Variants in ASH1L observed in about 807,000 individuals in gnomAD.
ASH1L encodes the protein histone-lysine N-methyltransferase ASH1L.
In ASH1L, 23 loss-of-function variants were observed where a neutral mutation model predicts 269.0. That is an observed-to-expected ratio of 0.09 (90% CI 0.06 to 0.12). The LOEUF (loss-of-function observed/expected upper bound fraction) is 0.12, where lower values mean the gene tolerates loss of function less well. Among genes scored for constraint, ASH1L ranks in the 10% least tolerant of loss-of-function variants. The probability of loss-of-function intolerance (pLI) is 1.00; values close to 1 mark genes in which losing one functional copy is unlikely to be tolerated. For synonymous variants in ASH1L, 1,187 were observed against 1,253.5 expected, an observed-to-expected ratio of 0.95 and a Z score of 1.12; for missense variants, 2,912 against 3,567.8, an observed-to-expected ratio of 0.82 and a Z score of 4.68.
At chr1:155,466,425 C>T (rs1217138386) in intron 3 of ASH1L, among the ~76,000 whole-genome samples, 1 of 152,100 alleles carries the variant, frequency 6.6e-6, no homozygotes, top group East Asian at 1.9e-4. Context: ...TTTCATAATG[C>T]CCAAATGACA....
chr1:155,348,859 T>C (rs975263080), intron 19 of ASH1L, among the ~76,000 whole-genome samples: 3 of 146,690 alleles, frequency 2.0e-5, no homozygotes, highest in African/African-American at 7.6e-5. Flanking sequence ...CCAGCCTGGG[T>C]GACAGAGCAA....
chr1:155,528,687 CATTGATTT>C (rs1474925356), intron 1 of ASH1L, among the ~76,000 whole-genome samples: 1 of 152,036 alleles, frequency 6.6e-6, no homozygotes, highest in Admixed American at 6.6e-5. Context: ...ACTCAAAGTC[CATTGATTT>C]ATTGATTTTT....
At chr1:155,375,546 G>C (rs1202842648) in intron 10 of ASH1L, among the ~76,000 whole-genome samples, 2 of 152,084 alleles carry the variant, frequency 1.3e-5, no homozygotes, top group African/African-American at 2.4e-5. Context: ...CAGCACTTTG[G>C]GAGGCTGAGG....
At chr1:155,536,126 A>G (rs1670040252) in intron 1 of ASH1L, among the ~76,000 whole-genome samples, 1 of 152,230 alleles carries the variant, frequency 6.6e-6, no homozygotes, top group Admixed American at 6.5e-5. Context: ...CTAGCTAAGT[A>G]ATCACATACC....
At chr1:155,433,546 G>A in intron 5 of ASH1L, 1 of 1,610,616 alleles carries the variant, frequency 6.2e-7, no homozygotes, top group Non-Finnish European at 8.5e-7. Context: ...CTGGTGCCGT[G>A]AAACTGGAGA....
intron 6 of ASH1L, among the ~76,000 whole-genome samples, chr1:155,403,819 G>C (rs552806940): frequency 6.6e-6 from 1 of 151,684 alleles, no homozygotes; most frequent in African/African-American, 2.4e-5. Flanking sequence ...TTGGAGGGCG[G>C]CGATCTATTC....
chr1:155,479,767 G>A lies in ASH1L; in HGVS notation c.3103C>T (p.Gln1035Ter). The A allele has an allele frequency of 6.2e-7, 1 of 1,613,964 alleles. No homozygotes were observed. Among genetic ancestry groups the A allele is most frequent in the African/African-American group, 1.3e-5 (1 of 74,954 alleles). Residue 1035 changes from glutamine (Q) to a stop codon, truncating the protein, a stop_gained, in exon 3 of 28, where the codon CAA becomes TAA. Coordinates refer to ENST00000392403, the MANE Select transcript of ASH1L (RefSeq NM_018489.3). LOFTEE classifies it high-confidence loss of function. ...CCTTTCTTGCTGACATTTATCTGTT[G>A]GCCCAATTTAGAGCCAAATGTGGCA... ...LAATFGSKLG[Q>*]QINVSKKGTI...
intron 2 of ASH1L, among the ~76,000 whole-genome samples, chr1:155,504,318 G>T (rs1432822723): frequency 6.6e-6 from 1 of 152,132 alleles, no homozygotes; most frequent in Non-Finnish European, 1.5e-5. Flanking sequence ...GTTGTACCCT[G>T]AATCCCCAAT....
In ASH1L at chr1:155,509,898, A is replaced by T. The variant is rs1366915245; in HGVS notation, c.420+11202T>A. Among the ~76,000 whole-genome samples the T allele has an allele frequency of 2.0e-5, 3 of 152,186 alleles. No individual in the cohort carries two copies. The South Asian group carries it at 6.2e-4, about 32-fold the overall frequency. On this transcript the variant is annotated intron_variant, in intron 2 of 27. Transcript: ENST00000392403. ...AACTCATAAACCATAACAAACTCCA[A>T]ATGGATCAAGGATTTATATGTTAAA... is the stretch of plus-strand genomic sequence containing the variant.
At chr1:155,416,538 T>C (rs1195202092) in intron 5 of ASH1L, among the ~76,000 whole-genome samples, 1 of 151,720 alleles carries the variant, frequency 6.6e-6, no homozygotes, top group Non-Finnish European at 1.5e-5. Flanking sequence ...CTTTCTTTTA[T>C]CTTTTTTTGT....
intron 2 of ASH1L, among the ~76,000 whole-genome samples, chr1:155,518,567 A>G (rs888357818): frequency 2.6e-5 from 4 of 152,094 alleles, no homozygotes; most frequent in Non-Finnish European, 5.9e-5. Flanking sequence ...ATTTGAACAA[A>G]CATTTCTTCA....
intron 3 of ASH1L, among the ~76,000 whole-genome samples, chr1:155,476,506 T>C (rs1165629126): frequency 6.6e-6 from 1 of 152,198 alleles, no homozygotes; most frequent in Non-Finnish European, 1.5e-5. Context: ...AAAAACTCTT[T>C]GTATTCGAGG....
chr1:155,383,010 G>A lies in ASH1L; in HGVS notation c.6104-2894C>T, dbSNP rs377414078. Reference sequence around the variant, plus strand: ...AGTGTTGGGATTACAGGCGTAAGCCGCCATGCCTGGCCCTCTTTTCGCTTT... The same window carrying A: ...AGTGTTGGGATTACAGGCGTAAGCCACCATGCCTGGCCCTCTTTTCGCTTT... On this transcript the variant is annotated intron_variant, in intron 7 of 27. Transcript: ENST00000392403. Among the ~76,000 whole-genome samples, 17 of 152,236 alleles carry A rather than the reference G, an allele frequency of 1.1e-4. No homozygotes were observed. In the East Asian group the frequency reaches 1.9e-3, roughly 17 times the overall value.
At position 155,357,732 on chromosome 1, in the gene ASH1L, G is replaced by A; in HGVS notation, c.6813C>T (p.Gly2271=). The A allele has an allele frequency of 6.2e-7, 1 of 1,612,638 alleles. No individual in the cohort carries two copies. The highest frequency in any genetic ancestry group is 8.5e-7 in the Non-Finnish European group (1 of 1,179,656). ...CGATGATTCCTCGACATTTCTCAAA[G>A]CCACACTTACAAAGTTGCTTTGAAG... is the stretch of plus-strand genomic sequence containing the variant. ...NVEKQQLCKC[G]FEKCRGIIGG... Residue 2271 remains glycine (G), a synonymous_variant, in exon 14 of 28, where the codon GGC becomes GGT. Coordinates refer to ENST00000392403, the MANE Select transcript of ASH1L (RefSeq NM_018489.3).
At chr1:155,490,340 G>A (rs953496262) in intron 2 of ASH1L, among the ~76,000 whole-genome samples, 1 of 151,740 alleles carries the variant, frequency 6.6e-6, no homozygotes, top group Non-Finnish European at 1.5e-5. Context: ...GGTTGGGCGT[G>A]GTGGCTCATG....
At chr1:155,462,025 C>T (rs1664341251) in intron 3 of ASH1L, among the ~76,000 whole-genome samples, 1 of 152,100 alleles carries the variant, frequency 6.6e-6, no homozygotes, top group African/African-American at 2.4e-5. Context: ...GTGTCAAACT[C>T]CTTACCTCAA....
chr1:155,555,262 C>T (rs1448380219), intron 1 of ASH1L, among the ~76,000 whole-genome samples: 2 of 151,354 alleles, frequency 1.3e-5, no homozygotes, highest in Middle Eastern at 3.4e-3. Flanking sequence ...TTTGGGAGGC[C>T]GATGCGGGCT....
intron 17 of ASH1L, among the ~76,000 whole-genome samples, chr1:155,352,181 A>G (rs1314962710): frequency 1.3e-5 from 2 of 151,826 alleles, no homozygotes; most frequent in African/African-American, 4.8e-5. Flanking sequence ...TGAGAATGCA[A>G]GACAGACATG....
At position 155,512,521 on chromosome 1, in the gene ASH1L, G is replaced by C. The variant is rs931984168; in HGVS notation, c.420+8579C>G. Among the ~76,000 whole-genome samples the C allele has an allele frequency of 2.2e-5, 3 of 133,536 alleles. No individual in the cohort carries two copies. In the Admixed American group the frequency reaches 2.7e-4, roughly 12 times the overall value. The allele number at this position is 133,536 out of a possible 152,430, so 87.6% of individuals were successfully genotyped here. A position where few individuals can be genotyped will look rare whatever the true frequency, so the allele number is the denominator to read the frequency against. On this transcript the variant is annotated intron_variant, in intron 2 of 27. Transcript: ENST00000392403. ...GGCAGGGGTGCAGTAGTGTGATCTC[G>C]GCTCACTGCAACCTCCACCTCCTGG...
Sources: gnomAD v4.1 joint callset for allele counts (sites outside exome capture counted in the v4.1 genomes callset) on GRCh38, gnomAD v4.1.1 for gene constraint, MANE v1.5 for transcripts, NCBI Gene and HGNC (gene_info 2026-07-23, HGNC 2026-07-21) for gene names.